ZNF582: variants seen among roughly 807,000 people sequenced by gnomAD.
The protein encoded by ZNF582 is zinc finger protein 582.
A neutral mutation model predicts 12.3 loss-of-function variants in ZNF582; 14 were observed. The ratio of observed to expected loss-of-function variants is 1.14; its 90% confidence interval spans 0.75 to 1.78. The LOEUF (loss-of-function observed/expected upper bound fraction) is 1.78. Among genes scored for constraint, ZNF582 ranks in the 40% most tolerant of loss-of-function variants. The pLI is 0.00. For synonymous variants in ZNF582, 210 were observed against 207.2 expected (o/e 1.01, Z -0.11); for missense variants, 567 against 616.5 (o/e 0.92, Z 0.85).
At chr19:56,388,016 T>G (rs558107896) in intron 4 of ZNF582, among the ~76,000 whole-genome samples, 2 of 152,320 alleles carry the variant, frequency 1.3e-5, no homozygotes, top group South Asian at 4.1e-4. Flanking sequence ...TTGGTTCATG[T>G]GAGGTTTGGC....
chr19:56,393,153 A>AT, intron 1 of ZNF582, 67 bp downstream of exon 1: 1 of 1,192,914 alleles, frequency 8.4e-7, no homozygotes. Context: ...AAAAAAAAAA[A>AT]GGCACGCATA....
exon 5 of ZNF582, chr19:56,382,962 G>GT (rs1220309387): frequency 6.6e-6 from 1 of 152,174 alleles, no homozygotes; most frequent in African/African-American, 2.4e-5. Context: ...AGAGGAGGAA[G>GT]TCTTCATGAT....
At position 56,385,000 on chromosome 19, in the gene ZNF582, GA is replaced by G; in HGVS notation, c.416del (p.Phe139SerfsTer4). ...CTTCATGTCTGATGATCATCTGATGGAAATGTCTGTCTGGATTTCCCTGTTG... is the reference window on the plus strand; with the variant it reads ...CTTCATGTCTGATGATCATCTGATGGAATGTCTGTCTGGATTTCCCTGTTG... On this transcript the variant is annotated frameshift_variant, in exon 5 of 5. Coordinates refer to ENST00000586929, the Ensembl canonical transcript of ZNF582. LOFTEE classifies it low-confidence loss of function (END_TRUNC). 10 of 1,614,116 alleles carry G rather than the reference GA, an allele frequency of 6.2e-6. No individual in the cohort carries two copies. Among genetic ancestry groups the G allele is most frequent in the Non-Finnish European group, 8.5e-6 (10 of 1,180,022 alleles).
chr19:56,384,130 C>T (rs1238801081), exon 5 of ZNF582: 1 of 1,612,642 alleles, frequency 6.2e-7, no homozygotes, highest in Non-Finnish European at 8.5e-7. Flanking sequence ...TAAAAGCCTT[C>T]CCACATTCCT....
At chr19:56,393,340 G>C in exon 1 of ZNF582, 1 of 1,052,960 alleles carries the variant, frequency 9.5e-7, no homozygotes, top group Non-Finnish European at 1.3e-6. Flanking sequence ...GAGCGACGAT[G>C]AGGCGAGACG....
In ZNF582 at chr19:56,384,450, G is replaced by A. The variant is rs1009319711; in HGVS notation, c.967C>T (p.Arg323Cys). 22 of 1,596,644 alleles carry A rather than the reference G, an allele frequency of 1.4e-5. No homozygotes were observed. The Middle Eastern group carries it at 5.0e-4, about 37-fold the overall frequency. Reference sequence around the variant, plus strand: ...GTCTGATGTTGAATCAACTGAGAACGATGACTAAAGGTTTTCCCACATTCC... The same window carrying A: ...GTCTGATGTTGAATCAACTGAGAACAATGACTAAAGGTTTTCCCACATTCC... The change falls in exon 5 of 5, where the codon CGT (arginine) becomes TGT (cysteine). Residue 323 changes from arginine (R) to cysteine (C), a missense_variant. Physicochemically the swap from Arg to Cys is radical, Grantham distance 180. Coordinates refer to ENST00000586929, the Ensembl canonical transcript of ZNF582.
Position 56,393,214 on chromosome 19 carries a change from A to AC in ZNF582, c.-81+5dup, listed in dbSNP as rs1438537585. 3.2e-6 allele frequency: 4 copies of AC among 1,262,904 alleles called. No homozygotes were observed. The South Asian group carries it at 5.3e-5, about 17-fold the overall frequency. 78.2% of individuals were successfully genotyped at this position (1,262,904 alleles called of 1,614,324 possible). ...TTCAGGGGGTCGGAGACCCCTGCGC[A>AC]CCCACCTAAGGGGTCCATGCACCTG... On this transcript the variant is annotated splice_donor_region_variant and intron_variant, in intron 1 of 4. Coordinates refer to ENST00000586929, the Ensembl canonical transcript of ZNF582.
At position 56,390,069 on chromosome 19, in the gene ZNF582, A is replaced by G. The variant is rs372873446; in HGVS notation, c.164T>C (p.Ile55Thr). The G allele has an allele frequency of 2.0e-5, 33 of 1,613,656 alleles. No homozygotes were observed. Among genetic ancestry groups the G allele is most frequent in the Non-Finnish European group, 2.7e-5 (32 of 1,179,970 alleles). ...CTCTTTGCCTTGCTCTAGGAAGGAG[A>G]TCACATCAGGTTTGGAAACGGCAAG... The change falls in exon 4 of 5, where the codon ATC becomes ACC. Residue 55 changes from isoleucine (I) to threonine (T), a missense_variant. Physicochemically the swap from Ile to Thr is moderately conservative, Grantham distance 89 (BLOSUM62 -1). Coordinates refer to ENST00000586929, the Ensembl canonical transcript of ZNF582.
intron 1 of ZNF582, among the ~76,000 whole-genome samples, chr19:56,392,422 C>T (rs113104766): frequency 2.2e-4 from 33 of 152,340 alleles, no homozygotes; most frequent in African/African-American, 7.2e-4. Context: ...ACAGCACGCC[C>T]AGTGCTCCAT....
intron 4 of ZNF582, among the ~76,000 whole-genome samples, chr19:56,385,851 G>A (rs1215126284): frequency 6.6e-6 from 1 of 152,158 alleles, no homozygotes; most frequent in Non-Finnish European, 1.5e-5. Flanking sequence ...TGGGTTGATG[G>A]AAATGTTCGC....
At chr19:56,391,292 C>A (rs190232967) in intron 2 of ZNF582, among the ~76,000 whole-genome samples, 1 of 152,316 alleles carries the variant, frequency 6.6e-6, no homozygotes, top group Admixed American at 6.5e-5. Flanking sequence ...CAACGTCAAA[C>A]TAGACTTTAA....
exon 1 of ZNF582, chr19:56,393,491 C>G (rs972965540): frequency 5.9e-6 from 3 of 510,232 alleles, no homozygotes; most frequent in Non-Finnish European, 1.2e-5. Flanking sequence ...CCCCGGCAGC[C>G]CAGGGCGCGC....
chr19:56,384,156 T>A lies in ZNF582; in HGVS notation c.1261A>T (p.Lys421Ter). The A allele has an allele frequency of 6.2e-7, 1 of 1,612,642 alleles. No homozygotes were observed. Among genetic ancestry groups the A allele is most frequent in the Non-Finnish European group, 8.5e-7 (1 of 1,179,342 alleles). ...CCACATTCCTTACATTCATATGGCTTTTCACCTGTATGAATTCTGTAATGT... is the reference window on the plus strand; with the variant it reads ...CCACATTCCTTACATTCATATGGCTATTCACCTGTATGAATTCTGTAATGT... Residue 421 changes from lysine to a stop codon, truncating the protein, a stop_gained, in exon 5 of 5, where the codon AAG becomes TAG. Coordinates refer to ENST00000586929, the Ensembl canonical transcript of ZNF582. LOFTEE classifies it low-confidence loss of function (END_TRUNC).
At chr19:56,388,633 A>G (rs887711518) in intron 4 of ZNF582, among the ~76,000 whole-genome samples, 20 of 151,772 alleles carry the variant, frequency 1.3e-4, no homozygotes, top group Non-Finnish European at 8.8e-5. Context: ...TTCCTAGCGT[A>G]TCTTTTTTTT....
exon 5 of ZNF582, chr19:56,384,946 G>A: frequency 6.2e-7 from 1 of 1,614,066 alleles, no homozygotes; most frequent in South Asian, 1.1e-5. Context: ...AAAAAGTAAG[G>A]GATGCATGCT....
rs149022328 is a variant in ZNF582 at position 56,384,383 on chromosome 19, C to T, written c.1034G>A (p.Gly345Glu). The T allele has an allele frequency of 1.2e-5, 19 of 1,608,242 alleles. No individual in the cohort carries two copies. The highest frequency in any genetic ancestry group is 1.6e-5 in the Non-Finnish European group (19 of 1,177,144). ...AGTTGAGCCTTGATTAAAAGCCTTC[C>T]CACATTCCTTACATTCATAGAGTTT... is the stretch of plus-strand genomic sequence containing the variant. Residue 345 changes from glycine (G) to glutamate (E), a missense_variant, in exon 5 of 5, where the codon GGG (glycine) becomes GAG (glutamate). Coordinates refer to ENST00000586929, the Ensembl canonical transcript of ZNF582.
chr19:56,386,802 C>T (rs79799043), intron 4 of ZNF582: 11,283 of 152,346 alleles, frequency 0.074, 498 homozygotes, highest in East Asian at 0.14. Flanking sequence ...CCTGCCTTGG[C>T]CTCCCAAAGT....
At chr19:56,384,583 T>A (rs753979614) in exon 5 of ZNF582, 2 of 1,614,052 alleles carry the variant, frequency 1.2e-6, no homozygotes, top group South Asian at 2.2e-5. Flanking sequence ...GTTTCTCGCC[T>A]GTGTGAGTTC....
Position 56,393,231 on chromosome 19 carries a change from A to C in ZNF582, c.-92T>G. 1.6e-6 allele frequency: 2 copies of C among 1,255,790 alleles called. No individual in the cohort carries two copies. The highest frequency in any genetic ancestry group is 1.0e-6 in the Non-Finnish European group (1 of 980,372). 77.8% of individuals were successfully genotyped at this position (1,255,790 alleles called of 1,614,324 possible). A position where few individuals can be genotyped will look rare whatever the true frequency, so the allele number is the denominator to read the frequency against. ...CCCTGCGCACCCACCTAAGGGGTCC[A>C]TGCACCTGGGCTATGAGGCTGGAAG... On this transcript the variant is annotated 5_prime_UTR_variant, in exon 1 of 5. An upstream start codon of the reference 5' UTR is lost. Coordinates refer to ENST00000586929, the Ensembl canonical transcript of ZNF582.
Sources: allele counts gnomAD v4.1 joint callset (sites outside exome capture counted in the v4.1 genomes callset), GRCh38; gene constraint gnomAD v4.1.1; transcripts MANE v1.5; gene names NCBI Gene and HGNC (gene_info 2026-07-23, HGNC 2026-07-21).